CDYL2: variants seen among roughly 807,000 people sequenced by gnomAD.
The protein encoded by CDYL2 is chromodomain Y like 2, also known as chromodomain Y-like protein 2.
In CDYL2, 23 loss-of-function variants were observed where a neutral mutation model predicts 49.4. The ratio of observed to expected loss-of-function variants is 0.47; its 90% CI spans 0.34 to 0.66. The LOEUF (loss-of-function observed/expected upper bound fraction) is 0.66. Ranked by LOEUF, CDYL2 falls within the 30% of genes least tolerant of loss-of-function variation. The pLI is 0.01. For missense variants in CDYL2, 678 were observed against 656.4 expected, an observed-to-expected ratio of 1.03 and a Z score of -0.36; for synonymous variants, 360 against 268.8, an observed-to-expected ratio of 1.34 and a Z score of -3.32.
intron 1 of CDYL2, among the ~76,000 whole-genome samples, chr16:80,747,643 C>T (rs1265809366): frequency 1.3e-5 from 2 of 152,090 alleles, no homozygotes; most frequent in Non-Finnish European, 2.9e-5. Flanking sequence ...TGAGCTTCGT[C>T]CCCTTCCCAA....
chr16:80,723,917 GAGA>G (rs982439131), intron 1 of CDYL2, among the ~76,000 whole-genome samples: 1 of 150,464 alleles, frequency 6.6e-6, no homozygotes, highest in African/African-American at 2.5e-5. Flanking sequence ...GGGGAAGGAG[GAGA>G]AGGAGTGGAG....
intron 2 of CDYL2, among the ~76,000 whole-genome samples, chr16:80,638,814 T>C (rs926680471): frequency 6.6e-6 from 1 of 152,154 alleles, no homozygotes; most frequent in Non-Finnish European, 1.5e-5. Context: ...ACTCTGTACT[T>C]TGCAAACAAA....
At chr16:80,678,574 A>G (rs1174134621) in intron 2 of CDYL2, among the ~76,000 whole-genome samples, 6 of 151,416 alleles carry the variant, frequency 4.0e-5, no homozygotes, top group South Asian at 2.1e-4. Context: ...ACCATCTCAC[A>G]CCAGTTAGAA....
chr16:80,610,575 C>A (rs555094329), intron 5 of CDYL2, among the ~76,000 whole-genome samples: 3 of 134,006 alleles, frequency 2.2e-5, no homozygotes, highest in Non-Finnish European at 4.6e-5. Flanking sequence ...CTGGTGAAGA[C>A]CCATAAAATT....
intron 6 of CDYL2, among the ~76,000 whole-genome samples, chr16:80,606,059 GC>G (rs1906317865): frequency 6.6e-6 from 1 of 152,212 alleles, no homozygotes; most frequent in South Asian, 2.1e-4. Context: ...GCCTCCACCA[GC>G]CTCTCCTGAA....
intron 2 of CDYL2, among the ~76,000 whole-genome samples, chr16:80,667,882 G>C (rs1909333602): frequency 6.6e-6 from 1 of 152,214 alleles, no homozygotes; most frequent in South Asian, 2.1e-4. Context: ...GGCCCACAGA[G>C]GCTGGGTCAT....
intron 1 of CDYL2, among the ~76,000 whole-genome samples, chr16:80,795,431 G>A (rs1162634548): frequency 6.6e-6 from 1 of 152,174 alleles, no homozygotes; most frequent in African/African-American, 2.4e-5. Flanking sequence ...GCCTTCTCAG[G>A]AACCCATCGC....
intron 1 of CDYL2, among the ~76,000 whole-genome samples, chr16:80,790,873 G>T (rs1907587586): frequency 6.6e-6 from 1 of 152,180 alleles, no homozygotes; most frequent in South Asian, 2.1e-4. Flanking sequence ...ATGATGTCAA[G>T]ATTTTCAAGG....
intron 1 of CDYL2, among the ~76,000 whole-genome samples, chr16:80,784,203 T>C (rs866078998): frequency 2.6e-5 from 4 of 152,184 alleles, no homozygotes; most frequent in Non-Finnish European, 2.9e-5. Flanking sequence ...TCCTTCTTTA[T>C]GGTTTCCTTT....
intron 3 of CDYL2, among the ~76,000 whole-genome samples, chr16:80,626,275 TAAAAAA>T (rs11358031): frequency 1.3e-4 from 12 of 92,294 alleles, no homozygotes; most frequent in African/African-American, 3.2e-4. Context: ...AAATCCCATC[TAAAAAA>T]AAAAAAAAAA....
intron 2 of CDYL2, among the ~76,000 whole-genome samples, chr16:80,642,279 C>T (rs1018849260): frequency 3.3e-5 from 5 of 151,972 alleles, no homozygotes; most frequent in Admixed American, 6.6e-5. Context: ...CCCATCTCTA[C>T]TAAAAATGCA....
At chr16:80,683,687 G>A (rs1910059398) in intron 2 of CDYL2, among the ~76,000 whole-genome samples, 1 of 152,154 alleles carries the variant, frequency 6.6e-6, no homozygotes, top group Non-Finnish European at 1.5e-5. Flanking sequence ...ATTAAGAGGA[G>A]GGGCCTTTAG....
At chr16:80,746,423 G>A (rs1361451468) in intron 1 of CDYL2, among the ~76,000 whole-genome samples, 5 of 152,152 alleles carry the variant, frequency 3.3e-5, no homozygotes, top group East Asian at 3.9e-4. Context: ...CTCCAGTAGT[G>A]ACCTCTTGTT....
chr16:80,669,860 G>A (rs11863297), intron 2 of CDYL2, among the ~76,000 whole-genome samples: 68,445 of 152,112 alleles, frequency 0.45, 18,750 homozygotes, highest in Middle Eastern at 0.68. Context: ...TGAGGAGAGT[G>A]AGTGCACACC....
At chr16:80,611,088 A>T (rs1415586251) in intron 5 of CDYL2, among the ~76,000 whole-genome samples, 4 of 152,086 alleles carry the variant, frequency 2.6e-5, no homozygotes, top group Admixed American at 6.5e-5. Flanking sequence ...CCCTTCATGC[A>T]TCCTCTGCCT....
At chr16:80,766,123 G>GT (rs1414133198) in intron 1 of CDYL2, among the ~76,000 whole-genome samples, 7 of 151,526 alleles carry the variant, frequency 4.6e-5, no homozygotes, top group South Asian at 2.1e-4. Context: ...GGATAGAGGT[G>GT]TTTTTTTTGA....
chr16:80,665,893 C>T (rs1040852984), intron 2 of CDYL2, among the ~76,000 whole-genome samples: 3 of 152,200 alleles, frequency 2.0e-5, no homozygotes, highest in African/African-American at 7.2e-5. Flanking sequence ...CACCCAGGGG[C>T]TGTCCCTCTT....
intron 1 of CDYL2, among the ~76,000 whole-genome samples, chr16:80,718,364 G>A (rs186588068): frequency 5.1e-4 from 77 of 152,246 alleles, no homozygotes; most frequent in African/African-American, 1.7e-3. Flanking sequence ...ATTACCTTAT[G>A]TGCACAATCC....
At chr16:80,609,990 C>A (rs1906522581) in intron 5 of CDYL2, among the ~76,000 whole-genome samples, 1 of 152,142 alleles carries the variant, frequency 6.6e-6, no homozygotes, top group African/African-American at 2.4e-5. Flanking sequence ...ATCATGACAG[C>A]ACCAAGCTCC....
Sources: allele counts gnomAD v4.1 joint callset (sites outside exome capture counted in the v4.1 genomes callset), GRCh38; gene constraint gnomAD v4.1.1; transcripts MANE v1.5; gene names NCBI Gene and HGNC (gene_info 2026-07-23, HGNC 2026-07-21).